HMOX1: variants seen among roughly 807,000 people sequenced by gnomAD.
HMOX1 encodes the protein heme oxygenase 1, also known as heat shock protein, 32-kD.
A neutral mutation model predicts 27.8 loss-of-function variants in HMOX1; 22 were observed. That is an observed-to-expected ratio of 0.79 (90% confidence interval 0.57 to 1.13). The LOEUF is 1.13. Ranked by LOEUF, HMOX1 falls within the 50% of genes most tolerant of loss-of-function variation. The probability of loss-of-function intolerance (pLI) is 0.00; values close to 1 mark genes in which losing one functional copy is unlikely to be tolerated. For missense variants in HMOX1, 379 were observed against 377.7 expected, an observed-to-expected ratio of 1.00 and a Z score of -0.03; for synonymous variants, 153 against 151.6, an observed-to-expected ratio of 1.01 and a Z score of -0.07.
chr22:35,383,271 T>C, intron 2 of HMOX1, 45 bp downstream of exon 2: 1 of 1,596,978 alleles, frequency 6.3e-7, no homozygotes, highest in Non-Finnish European at 8.5e-7. Flanking sequence ...GTGTGGCAGG[T>C]GTGGGTGGAC....
At chr22:35,389,395 C>CCTTTCTTT (rs372672366) in intron 3 of HMOX1, among the ~76,000 whole-genome samples, 951 of 51,730 alleles carry the variant, frequency 0.018, 35 homozygotes, top group Non-Finnish European at 0.022. Flanking sequence ...TTCCTTCCTT[C>CCTTTCTTT]CTTTCTTTCT....
intron 3 of HMOX1, among the ~76,000 whole-genome samples, chr22:35,389,229 C>CTTTCTTTTCTT (rs1555901537): frequency 1.4e-4 from 16 of 117,018 alleles, no homozygotes; most frequent in African/African-American, 8.4e-4. Flanking sequence ...TTCTTTCTTT[C>CTTTCTTTTCTT]TTTCTTTCTT....
At chr22:35,386,658 G>A (rs779794123) in intron 2 of HMOX1, 27 bp from the exon 3 acceptor site, 17 of 1,613,698 alleles carry the variant, frequency 1.1e-5, no homozygotes, top group Admixed American at 5.0e-5. Flanking sequence ...TGTGGCTGGC[G>A]GCCTGACCTG....
Position 35,393,697 on chromosome 22 carries a change from C to A in HMOX1, c.*99C>A. ...TTGGCTGGCTTCCTTACCGTGGGCACTGAAGGCTTTCAGGGCCTCCAGCCC... is the reference window on the plus strand; with the variant it reads ...TTGGCTGGCTTCCTTACCGTGGGCAATGAAGGCTTTCAGGGCCTCCAGCCC... On this transcript the variant is annotated 3_prime_UTR_variant, in exon 5 of 5. Coordinates refer to ENST00000216117, the MANE Select transcript of HMOX1 (RefSeq NM_002133.3). 1 of 1,480,038 alleles carries A rather than the reference C, an allele frequency of 6.8e-7. No individual in the cohort carries two copies. Among genetic ancestry groups the A allele is most frequent in the Non-Finnish European group, 9.4e-7 (1 of 1,060,700 alleles). The allele number at this position is 1,480,038 out of a possible 1,614,324, so 91.7% of individuals were successfully genotyped here. A position where few individuals can be genotyped will look rare whatever the true frequency, so the allele number is the denominator to read the frequency against.
intron 4 of HMOX1, among the ~76,000 whole-genome samples, chr22:35,392,601 G>A (rs933577029): frequency 6.6e-6 from 1 of 152,094 alleles, no homozygotes; most frequent in Non-Finnish European, 1.5e-5. Flanking sequence ...CCAGAGACCT[G>A]CCCTGGACTC....
chr22:35,387,594 C>G (rs1015353789), intron 3 of HMOX1, among the ~76,000 whole-genome samples: 1 of 152,228 alleles, frequency 6.6e-6, no homozygotes, highest in Admixed American at 6.5e-5. Context: ...CCCAGGGTTA[C>G]AGGTGGCCTC....
chr22:35,389,471 C>G (rs985554182), intron 3 of HMOX1, among the ~76,000 whole-genome samples: 4 of 141,804 alleles, frequency 2.8e-5, no homozygotes, highest in Non-Finnish European at 6.1e-5. Context: ...CTTGCAGAGT[C>G]TCGCCCTGTC....
rs1314380699 is a variant in HMOX1, at chr22:35,393,605, G to A, written c.*7G>A. 4 of 1,614,112 alleles carry A rather than the reference G, an allele frequency of 2.5e-6. No homozygotes were observed. Among genetic ancestry groups the A allele is most frequent in the South Asian group, 2.2e-5 (2 of 91,084 alleles). On this transcript the variant is annotated 3_prime_UTR_variant, in exon 5 of 5. Transcript: ENST00000216117. Reference sequence around the variant, plus strand: ...AGGGCTTTATGCCATGTGAATGCAGGCATGCTGGCTCCCAGGGCCATGAAC... The same window carrying A: ...AGGGCTTTATGCCATGTGAATGCAGACATGCTGGCTCCCAGGGCCATGAAC...
At chr22:35,383,511 C>T (rs1025159077) in intron 2 of HMOX1, among the ~76,000 whole-genome samples, 11 of 152,174 alleles carry the variant, frequency 7.2e-5, no homozygotes, top group Admixed American at 2.0e-4. Context: ...GGTTTCTAAT[C>T]TGTGCTTCAA....
intron 2 of HMOX1, among the ~76,000 whole-genome samples, chr22:35,386,292 G>A (rs1931501691): frequency 6.6e-6 from 1 of 151,100 alleles, no homozygotes; most frequent in African/African-American, 2.4e-5. Context: ...TTTTTGTAGA[G>A]GTGGGTTTTG....
At position 35,389,256 on chromosome 22, in the gene HMOX1, C is replaced by T. The variant is rs1372592020; in HGVS notation, c.637-608C>T. Among the ~76,000 whole-genome samples, 122 of 104,862 alleles carry T rather than the reference C, an allele frequency of 1.2e-3. 12 individuals carry two copies. Among genetic ancestry groups the T allele is most frequent in the Middle Eastern group, 8.8e-3 (2 of 226 alleles). 68.8% of individuals were successfully genotyped at this position (104,862 alleles called of 152,430 possible). A position where few individuals can be genotyped will look rare whatever the true frequency, so the allele number is the denominator to read the frequency against. ...TTCTTTCTTTTTCTTTCTTTTCTCTCTCTCTCTCTCTCTCTCTCCTCTCTC... is the reference window on the plus strand; with the variant it reads ...TTCTTTCTTTTTCTTTCTTTTCTCTTTCTCTCTCTCTCTCTCTCCTCTCTC... On this transcript the variant is annotated intron_variant, in intron 3 of 4. Coordinates refer to ENST00000216117, the MANE Select transcript of HMOX1 (RefSeq NM_002133.3).
rs138680581 is a variant in HMOX1, at chr22:35,386,763, G to A, written c.223G>A (p.Ala75Thr). ...GCGCAACAAGGAGAGCCCAGTCTTC[G>A]CCCCTGTCTACTTCCCAGAAGAGCT... ...IERNKESPVF[A>T]PVYFPEELHR... is the part of the protein sequence containing the mutation. The change falls in exon 3 of 5, where the codon GCC becomes ACC. Residue 75 changes from alanine to threonine, a missense_variant. Ala to Thr is a moderately conservative substitution (Grantham distance 58). Coordinates refer to ENST00000216117, the MANE Select transcript of HMOX1 (RefSeq NM_002133.3). The A allele has an allele frequency of 3.7e-6, 6 of 1,614,206 alleles. No homozygotes were observed. Among genetic ancestry groups the A allele is most frequent in the Admixed American group, 1.7e-5 (1 of 60,032 alleles).
Position 35,386,960 on chromosome 22 carries a change from C to T in HMOX1, c.420C>T (p.Asp140=), listed in dbSNP as rs746165512. The stretch of plus-strand genomic sequence containing the variant: ...ACGCCTACACCCGCTACCTGGGTGA[C>T]CTGTCTGGGGGCCAGGTGCTCAAAA... ...VAHAYTRYLG[D]LSGGQVLKKI... Residue 140 remains aspartate (D), a synonymous_variant, in exon 3 of 5, where the codon GAC becomes GAT. Transcript: ENST00000216117. The T allele has an allele frequency of 9.9e-6, 16 of 1,614,060 alleles. No individual in the cohort carries two copies. Among genetic ancestry groups the T allele is most frequent in the Non-Finnish European group, 1.4e-5 (16 of 1,180,030 alleles).
intron 3 of HMOX1, among the ~76,000 whole-genome samples, chr22:35,389,315 CTTTCTTCT>C (rs1202966242): frequency 5.0e-5 from 6 of 120,406 alleles, no homozygotes; most frequent in East Asian, 4.3e-4. Flanking sequence ...TTCTTTCTTT[CTTTCTTCT>C]TTCTTTCTTT....
rs920949001 is a variant in HMOX1 at position 35,381,172 on chromosome 22, G to A, written c.-2G>A. On this transcript the variant is annotated 5_prime_UTR_variant, in exon 1 of 5. Transcript: ENST00000216117. ...AGCACGAACGAGCCCAGCACCGGCC[G>A]GATGGAGCGTCCGCAACCCGACAGG... The A allele has an allele frequency of 3.2e-6, 5 of 1,543,384 alleles. No homozygotes were observed. The highest frequency in any genetic ancestry group is 2.6e-6 in the Non-Finnish European group (3 of 1,150,534).
intron 1 of HMOX1, among the ~76,000 whole-genome samples, chr22:35,381,944 C>A (rs928949340): frequency 6.6e-6 from 1 of 152,062 alleles, no homozygotes; most frequent in African/African-American, 2.4e-5. Flanking sequence ...GGCAGGGATA[C>A]GGACCCATGA....
At chr22:35,391,011 G>C (rs1362991754) in intron 4 of HMOX1, among the ~76,000 whole-genome samples, 1 of 152,154 alleles carries the variant, frequency 6.6e-6, no homozygotes, top group African/African-American at 2.4e-5. Context: ...AAAGAGGTAA[G>C]GCTTAGCTAC....
At chr22:35,389,311 CTTTCTTTCTTCTTTCTTTCTTTCTTTCT>C (rs1931616124) in intron 3 of HMOX1, among the ~76,000 whole-genome samples, 3 of 121,284 alleles carry the variant, frequency 2.5e-5, no homozygotes, top group African/African-American at 1.3e-4. Context: ...TTCTTTCTTT[CTTTCTTTCTTCTTTCTTTCTTTCTTTCT>C]TCTCCTTCCT....
Position 35,393,775 on chromosome 22 carries a change from C to T in HMOX1, c.*177C>T, listed in dbSNP as rs901692220. On this transcript the variant is annotated 3_prime_UTR_variant, in exon 5 of 5. Transcript: ENST00000216117. ...GAGGAAGGAGCCTATGGCATCTTCCCCAACGAAAAGCACATCCAGGCAATG... is the reference window on the plus strand; with the variant it reads ...GAGGAAGGAGCCTATGGCATCTTCCTCAACGAAAAGCACATCCAGGCAATG... The T allele has an allele frequency of 9.5e-5, 73 of 771,834 alleles. No homozygotes were observed. The highest frequency in any genetic ancestry group is 3.6e-4 in the Middle Eastern group (1 of 2,790). 47.8% of individuals were successfully genotyped at this position (771,834 alleles called of 1,614,324 possible). A position where few individuals can be genotyped will look rare whatever the true frequency, so the allele number is the denominator to read the frequency against.
Sources: allele counts gnomAD v4.1 joint callset (sites outside exome capture counted in the v4.1 genomes callset), GRCh38; gene constraint gnomAD v4.1.1; transcripts MANE v1.5; gene names NCBI Gene and HGNC (gene_info 2026-07-23, HGNC 2026-07-21).